Variants in HDGFL2 observed in about 807,000 individuals in gnomAD.
HDGFL2 encodes the protein HDGF like 2, also known as hepatoma-derived growth factor-related protein 2.
In HDGFL2, 36 loss-of-function variants were observed where a neutral mutation model predicts 77.1. The observed-to-expected ratio is 0.47, with a 90% CI of 0.36 to 0.62. The LOEUF (loss-of-function observed/expected upper bound fraction) is 0.62, where lower values mean the gene tolerates loss of function less well. Among genes scored for constraint, HDGFL2 ranks in the 20% least tolerant of loss-of-function variants. The pLI is 0.00. For missense variants in HDGFL2, 976 were observed against 973.4 expected (o/e 1.00, Z -0.04); for synonymous variants, 463 against 413.1 (o/e 1.12, Z -1.46).
intron 9 of HDGFL2, among the ~76,000 whole-genome samples, chr19:4,494,956 C>G (rs1200533634): frequency 6.6e-6 from 1 of 151,816 alleles, no homozygotes; most frequent in Non-Finnish European, 1.5e-5. Context: ...GTACAGATGA[C>G]ATGAGGGTAG....
chr19:4,479,174 G>T (rs6510811), intron 3 of HDGFL2, among the ~76,000 whole-genome samples: 1 of 151,662 alleles, frequency 6.6e-6, no homozygotes, highest in South Asian at 2.1e-4. Flanking sequence ...AAACTACAAA[G>T]ATTAGCCGGG....
intron 3 of HDGFL2, among the ~76,000 whole-genome samples, chr19:4,484,950 C>T (rs1975323117): frequency 6.6e-6 from 1 of 152,012 alleles, no homozygotes; most frequent in Non-Finnish European, 1.5e-5. Context: ...GGATTACAGG[C>T]ATGAGCCACC....
At position 4,488,779 on chromosome 19, in the gene HDGFL2, T is replaced by G; in HGVS notation, c.392T>G (p.Val131Gly). 1 of 1,551,810 alleles carries G rather than the reference T, an allele frequency of 6.4e-7. No individual in the cohort carries two copies. The highest frequency in any genetic ancestry group is 8.7e-7 in the Non-Finnish European group (1 of 1,147,236). Residue 131 changes from valine (V) to glycine (G), a missense_variant, in exon 4 of 16, where the codon GTA becomes GGA. Val to Gly is a moderately radical substitution (Grantham distance 109). Transcript: ENST00000616600. Reference protein sequence around the residue: ...EDRGVMAVTAVTATAASDRME... With the variant: ...EDRGVMAVTAGTATAASDRME... Reference sequence around the variant, plus strand: ...CGGGGGGTCATGGCCGTCACAGCGGTAACCGCCACAGCTGCCAGCGACAGG... The same window carrying G: ...CGGGGGGTCATGGCCGTCACAGCGGGAACCGCCACAGCTGCCAGCGACAGG...
rs762350582 is a variant in HDGFL2, at chr19:4,491,840, C to T, written c.678+5C>T. The stretch of plus-strand genomic sequence containing the variant: ...CTGGGGGGACGGAAAAAAAAGGTAG[C>T]GTGCACTTGACTTTGTTTCCCATGC... On this transcript the variant is annotated splice_donor_5th_base_variant and intron_variant, in intron 6 of 15. Transcript: ENST00000616600. 59 of 1,612,678 alleles carry T rather than the reference C, an allele frequency of 3.7e-5. 1 individual carries two copies. The East Asian group carries it at 6.7e-4, about 18-fold the overall frequency.
intron 9 of HDGFL2, among the ~76,000 whole-genome samples, chr19:4,494,987 C>T (rs1348571646): frequency 1.3e-5 from 2 of 151,900 alleles, no homozygotes; most frequent in Non-Finnish European, 2.9e-5. Context: ...CCGGAGTTTT[C>T]GGTGCTAAGG....
Position 4,498,323 on chromosome 19 carries a change from A to G in HDGFL2, c.1420A>G (p.Lys474Glu). 6.2e-7 allele frequency: 1 copy of G among 1,613,536 alleles called. No homozygotes were observed. The highest frequency in any genetic ancestry group is 8.5e-7 in the Non-Finnish European group (1 of 1,179,908). The change falls in exon 12 of 16, where the codon AAG becomes GAG. Residue 474 changes from lysine (K) to glutamate (E), a missense_variant. Lys to Glu is a moderately conservative substitution (Grantham distance 56). Around this residue, in one of 5 missense-constraint regions of HDGFL2, gnomAD observed 567 missense variants for 534.7 expected, o/e 1.06. Transcript: ENST00000616600. ...TGGCCCAGAGCCCTCCGTGGAGGAG[A>G]AGCTGCAGAAGCTGCACAGTGAGAT... Reference protein sequence around the residue: ...EKKKEPSVEEKLQKLHSEIKF... With the variant: ...EKKKEPSVEEELQKLHSEIKF...
intron 6 of HDGFL2, among the ~76,000 whole-genome samples, chr19:4,492,981 CTG>C (rs1160744626): frequency 3.5e-4 from 33 of 94,976 alleles, no homozygotes; most frequent in African/African-American, 6.2e-4. Flanking sequence ...TGTGTGGTGT[CTG>C]TGTGTAGTGT....
At chr19:4,493,095 TG>T (rs1280387596) in intron 6 of HDGFL2, among the ~76,000 whole-genome samples, 62 of 52,188 alleles carry the variant, frequency 1.2e-3, no homozygotes, top group South Asian at 1.9e-3. Context: ...GTTATCTGTG[TG>T]GTGTGTGGTG....
rs137954082 is a variant in HDGFL2, at chr19:4,474,388, G to C, written c.73-887G>C. 4.2e-3 allele frequency among the ~76,000 whole-genome samples: 646 copies of C among 152,268 alleles called. 5 individuals carry two copies. The highest frequency in any genetic ancestry group is 0.015 in the African/African-American group (620 of 41,526). The stretch of plus-strand genomic sequence containing the variant: ...GGTGGACTGAATTTAGGATGCTTCT[G>C]GCGGGAGAGGGATGCTGGGCCTGGC... On this transcript the variant is annotated intron_variant, in intron 1 of 15. Transcript: ENST00000616600.
chr19:4,494,166 T>C lies in HDGFL2; in HGVS notation c.915T>C (p.Ser305=). 1 of 1,491,594 alleles carries C rather than the reference T, an allele frequency of 6.7e-7. No homozygotes were observed. 92.4% of individuals were successfully genotyped at this position (1,491,594 alleles called of 1,614,324 possible). Reference sequence around the variant, plus strand: ...CCCCAACCGCCCCCTCCGCCTCCAGTGACAGCGACGAGGTGGACCGCATCA... The same window carrying C: ...CCCCAACCGCCCCCTCCGCCTCCAGCGACAGCGACGAGGTGGACCGCATCA... ...ERPPSSSSSD[S]DSDEVDRISE... is the part of the protein sequence containing the mutation. Residue 305 remains serine (S), a splice_region_variant and synonymous_variant, in exon 9 of 16, where the codon AGT becomes AGC. Coordinates refer to ENST00000616600, the MANE Select transcript of HDGFL2 (RefSeq NM_001001520.3).
chr19:4,502,149 T>TAA lies in HDGFL2; in HGVS notation c.*140_*141dup, dbSNP rs1975926605. 1 of 713,108 alleles carries TAA rather than the reference T, an allele frequency of 1.4e-6. No individual in the cohort carries two copies. The highest frequency in any genetic ancestry group is 1.8e-5 in the African/African-American group (1 of 56,786). The allele number at this position is 713,108 out of a possible 1,614,324, so 44.2% of individuals were successfully genotyped here. A position where few individuals can be genotyped will look rare whatever the true frequency, so the allele number is the denominator to read the frequency against. ...TTCCCTTGGGTTTTTTTTTCCTGCC[T>TAA]AATTTCTGTGATTTCCAACCAACAT... On this transcript the variant is annotated 3_prime_UTR_variant, in exon 16 of 16. Coordinates refer to ENST00000616600, the MANE Select transcript of HDGFL2 (RefSeq NM_001001520.3).
intron 3 of HDGFL2, among the ~76,000 whole-genome samples, chr19:4,478,845 C>T (rs1228055749): frequency 7.9e-5 from 12 of 151,894 alleles, no homozygotes; most frequent in East Asian, 2.0e-4. Flanking sequence ...CCACCACGCC[C>T]GGCTAATTTT....
At chr19:4,493,604 C>G in intron 6 of HDGFL2, 99 bp from the exon 7 acceptor site, 1 of 1,287,400 alleles carries the variant, frequency 7.8e-7, no homozygotes. Context: ...CCCGCAGAGC[C>G]TGGCGGCTGC....
chr19:4,501,538 C>T (rs1975884148), intron 15 of HDGFL2: 5 of 519,562 alleles, frequency 9.6e-6, no homozygotes, highest in Non-Finnish European at 6.5e-6. Flanking sequence ...GAGCTGCCTG[C>T]CCCTGGCCTC....
chr19:4,475,040 C>G, intron 1 of HDGFL2: 1 of 538,866 alleles, frequency 1.9e-6, no homozygotes, highest in East Asian at 3.2e-5. Flanking sequence ...GGTGGAGCAC[C>G]TGCCCTGGGG....
At chr19:4,483,232 C>T (rs1975266794) in intron 3 of HDGFL2, among the ~76,000 whole-genome samples, 1 of 152,322 alleles carries the variant, frequency 6.6e-6, no homozygotes, top group East Asian at 1.9e-4. Context: ...TCGGGCCGAG[C>T]GGTGACGCTT....
At chr19:4,476,750 G>A (rs1385978933) in intron 3 of HDGFL2, among the ~76,000 whole-genome samples, 2 of 151,624 alleles carry the variant, frequency 1.3e-5, no homozygotes, top group Admixed American at 1.3e-4. Context: ...AAAAGCGGAA[G>A]GCAAATGGCT....
rs747869680 is a variant in HDGFL2, at chr19:4,472,454, G to T, written c.72+32G>T. On this transcript the variant is annotated intron_variant, in intron 1 of 15. Transcript: ENST00000616600. ...CCGCGCGGGAGATGGGGCCGGTGGG[G>T]GGGGGGGGGGGGGCAGCGGGGGCCC... 1.3e-4 allele frequency: 67 copies of T among 501,950 alleles called. No homozygotes were observed. In the Middle Eastern group the frequency reaches 2.2e-3, roughly 16 times the overall value. 31.1% of individuals were successfully genotyped at this position (501,950 alleles called of 1,614,324 possible).
Position 4,501,967 on chromosome 19 carries a change from A to G in HDGFL2, c.1973A>G (p.Glu658Gly). The G allele has an allele frequency of 6.6e-7, 1 of 1,506,868 alleles. No individual in the cohort carries two copies. The highest frequency in any genetic ancestry group is 1.3e-5 in the South Asian group (1 of 78,660). 93.3% of individuals were successfully genotyped at this position (1,506,868 alleles called of 1,614,324 possible). The change falls in exon 16 of 16, where the codon GAG becomes GGG. Residue 658 changes from glutamate (E) to glycine (G), a missense_variant. Coordinates refer to ENST00000616600, the MANE Select transcript of HDGFL2 (RefSeq NM_001001520.3). ...CCTGGGAGCGACCGGCAGGAGCGCG[A>G]GAGGGCACGGGGGGACTCGGAGGCC... Reference protein sequence around the residue: ...DRPGSDRQERERARGDSEALD... With the variant: ...DRPGSDRQERGRARGDSEALD...
Sources: allele counts gnomAD v4.1 joint callset (sites outside exome capture counted in the v4.1 genomes callset), GRCh38; gene constraint gnomAD v4.1.1; regional missense constraint gnomAD v4.1.1; transcripts MANE v1.5; gene names NCBI Gene and HGNC (gene_info 2026-07-23, HGNC 2026-07-21).